WDR64: variants seen among roughly 807,000 people sequenced by gnomAD.
WDR64 encodes the protein WD repeat-containing protein 64.
In WDR64, 112 loss-of-function variants were observed where a neutral mutation model predicts 139.3. That is an observed-to-expected ratio of 0.80 (90% confidence interval 0.69 to 0.94). The LOEUF (loss-of-function observed/expected upper bound fraction) is 0.94, where lower values mean the gene tolerates loss of function less well. Ranked by LOEUF, WDR64 falls within the 40% of genes least tolerant of loss-of-function variation. WDR64 has a pLI of 0.00. For synonymous variants in WDR64, 444 were observed against 437.7 expected (o/e 1.01, Z -0.18); for missense variants, 1,206 against 1,293.1 (o/e 0.93, Z 1.03).
rs1665621595 is a variant in WDR64, at chr1:241,656,893, TGTGTG to T, written c.146-3636_146-3632del. 2.0e-5 allele frequency among the ~76,000 whole-genome samples: 3 copies of T among 151,266 alleles called. No homozygotes were observed. The highest frequency in any genetic ancestry group is 7.3e-5 in the African/African-American group (3 of 40,990). ...TGTTGTGTGTGTGTGTGTGTGTGTG[TGTGTG>T]TGTGTGTGTGTGTCTGTCTGGGGAT... On this transcript the variant is annotated intron_variant, in intron 1 of 27. Coordinates refer to ENST00000437684, the MANE Select transcript of WDR64 (RefSeq NM_001367482.1). The surrounding 1 kb of genome is among the most constrained non-coding windows in gnomAD (Gnocchi z 4.3).
rs544219877 is a variant in WDR64 at position 241,793,960 on chromosome 1, T to A, written c.2998-1247T>A. Among the ~76,000 whole-genome samples the A allele has an allele frequency of 1.4e-4, 22 of 152,224 alleles. No homozygotes were observed. In the South Asian group the frequency reaches 4.1e-3, roughly 29 times the overall value. On this transcript the variant is annotated intron_variant, in intron 25 of 27. Transcript: ENST00000437684. ...ACTTTGGGAGGCTGAGGCGGGTGGA[T>A]CACCTGAAGTCAGGAGTTCGAGACC...
intron 8 of WDR64, among the ~76,000 whole-genome samples, chr1:241,702,921 T>C (rs576481319): frequency 1.3e-5 from 2 of 152,288 alleles, no homozygotes; most frequent in South Asian, 4.1e-4. Context: ...CAATATTTGT[T>C]ATCTTATTCT....
intron 21 of WDR64, 79 bp downstream of exon 21, chr1:241,775,289 C>T: frequency 8.8e-7 from 1 of 1,135,298 alleles, no homozygotes; most frequent in Non-Finnish European, 1.3e-6. Flanking sequence ...AGGAAAAATA[C>T]ATGGTATATG....
At chr1:241,722,324 T>C (rs1668641930) in intron 9 of WDR64, among the ~76,000 whole-genome samples, 1 of 152,180 alleles carries the variant, frequency 6.6e-6, no homozygotes, top group African/African-American at 2.4e-5. Flanking sequence ...ATTGATGGCC[T>C]TGGGATTTAG....
intron 10 of WDR64, among the ~76,000 whole-genome samples, chr1:241,733,825 T>C (rs1669187451): frequency 6.6e-6 from 1 of 152,106 alleles, no homozygotes; most frequent in Non-Finnish European, 1.5e-5. Flanking sequence ...GCTTCTGCCA[T>C]GTTCTGCCCT....
At chr1:241,702,952 T>A (rs61825801) in intron 8 of WDR64, among the ~76,000 whole-genome samples, 1 of 152,026 alleles carries the variant, frequency 6.6e-6, no homozygotes, top group Non-Finnish European at 1.5e-5. Context: ...ATTTTGCCAA[T>A]GTCTGATGTA....
At chr1:241,681,284 C>G (rs1309016190) in intron 6 of WDR64, among the ~76,000 whole-genome samples, 1 of 152,064 alleles carries the variant, frequency 6.6e-6, no homozygotes, top group Non-Finnish European at 1.5e-5. Context: ...CCACCCTTTT[C>G]CCCAGAGTCC....
At chr1:241,760,425 T>A (rs1037462584) in intron 15 of WDR64, among the ~76,000 whole-genome samples, 2 of 151,102 alleles carry the variant, frequency 1.3e-5, no homozygotes, top group Admixed American at 6.6e-5. Context: ...ACACCCAGCT[T>A]CCCAGAACTT....
intron 15 of WDR64, among the ~76,000 whole-genome samples, chr1:241,765,008 G>A (rs957803230): frequency 6.6e-6 from 1 of 152,012 alleles, no homozygotes; most frequent in Admixed American, 6.6e-5. Flanking sequence ...AACATAGTGA[G>A]ACCTTGTCTC....
Position 241,801,866 on chromosome 1 carries a change from T to C in WDR64, c.*651T>C, listed in dbSNP as rs1659535114. ...TTAACCTTAAATATATCAATAATTA[T>C]GAAACCTTTAATAGGTTAAAGTATG... On this transcript the variant is annotated 3_prime_UTR_variant, in exon 28 of 28. Coordinates refer to ENST00000437684, the MANE Select transcript of WDR64 (RefSeq NM_001367482.1). The C allele has an allele frequency of 2.3e-5, 9 of 398,138 alleles. No homozygotes were observed. 24.7% of individuals were successfully genotyped at this position (398,138 alleles called of 1,614,324 possible).
chr1:241,759,466 T>C (rs1050797958), intron 15 of WDR64, among the ~76,000 whole-genome samples: 2 of 152,190 alleles, frequency 1.3e-5, no homozygotes, highest in African/African-American at 4.8e-5. Flanking sequence ...CAAAGTCTAT[T>C]GTATTCCTGT....
intron 9 of WDR64, among the ~76,000 whole-genome samples, chr1:241,720,374 G>A (rs948597340): frequency 2.0e-5 from 3 of 152,056 alleles, no homozygotes; most frequent in Middle Eastern, 3.2e-3. Flanking sequence ...TTGAGGAATC[G>A]CTACACTGCC....
chr1:241,792,591 G>C (rs1286860510), intron 25 of WDR64, among the ~76,000 whole-genome samples: 2 of 152,066 alleles, frequency 1.3e-5, no homozygotes, highest in African/African-American at 4.8e-5. Flanking sequence ...TCAGTATACA[G>C]GATATGGAAA....
intron 10 of WDR64, among the ~76,000 whole-genome samples, chr1:241,732,816 G>A (rs1393980892): frequency 6.6e-6 from 1 of 150,614 alleles, no homozygotes; most frequent in Admixed American, 6.6e-5. Context: ...GTGAAACTCT[G>A]TCAAAAAAAA....
intron 15 of WDR64, among the ~76,000 whole-genome samples, chr1:241,764,145 A>G (rs1658042402): frequency 6.6e-6 from 1 of 152,208 alleles, no homozygotes; most frequent in Admixed American, 6.5e-5. Flanking sequence ...GAAGACAAAC[A>G]AATAGGTAGG....
At chr1:241,783,636 T>G (rs1161615656) in intron 23 of WDR64, among the ~76,000 whole-genome samples, 2 of 152,286 alleles carry the variant, frequency 1.3e-5, no homozygotes, top group Middle Eastern at 6.8e-3. Context: ...AAAGTGAAGT[T>G]TTTTTTGTAG....
At chr1:241,667,307 G>GT (rs1417723779) in intron 2 of WDR64, among the ~76,000 whole-genome samples, 2 of 152,090 alleles carry the variant, frequency 1.3e-5, no homozygotes, top group African/African-American at 4.8e-5. Flanking sequence ...TCTACTTTGC[G>GT]TAAGTCCTTT....
At chr1:241,776,118 G>A (rs1658648614) in intron 21 of WDR64, among the ~76,000 whole-genome samples, 1 of 151,088 alleles carries the variant, frequency 6.6e-6, no homozygotes, top group Non-Finnish European at 1.5e-5. Context: ...TATCCCTGTT[G>A]CCCAGGCTGG....
At chr1:241,654,016 T>C (rs1466166599) in intron 1 of WDR64, among the ~76,000 whole-genome samples, 1 of 152,216 alleles carries the variant, frequency 6.6e-6, no homozygotes, top group African/African-American at 2.4e-5. Flanking sequence ...TTGACACTTT[T>C]TCTGAATTCT....
Sources: gnomAD v4.1 joint callset for allele counts (sites outside exome capture counted in the v4.1 genomes callset) on GRCh38, gnomAD v4.1.1 for gene constraint, Gnocchi (gnomAD v3.1) non-coding constraint, MANE v1.5 for transcripts, NCBI Gene and HGNC (gene_info 2026-07-23, HGNC 2026-07-21) for gene names.